The following RP1 variants were observed in gnomAD, a reference collection of about 807,000 sequenced individuals.
RP1 encodes RP1 axonemal microtubule associated, also known as oxygen-regulated protein 1.
RP1 carries 16 observed loss-of-function variants against 14.8 expected under a neutral mutation model. The observed-to-expected ratio is 1.08, with a 90% CI of 0.73 to 1.65. RP1 has a LOEUF of 1.65. Ranked by LOEUF, RP1 falls within the 40% of genes most tolerant of loss-of-function variation. The pLI is 0.00. For missense variants in RP1, 2,631 were observed against 2,535.0 expected (o/e 1.04, Z -0.81); for synonymous variants, 876 against 883.6 (o/e 0.99, Z 0.15).
intron 19 of RP1, among the ~76,000 whole-genome samples, chr8:54,744,825 A>G (rs1285975545): frequency 6.6e-6 from 1 of 152,112 alleles, no homozygotes; most frequent in African/African-American, 2.4e-5. Context: ...CTTAATCAGT[A>G]TTTCCCTTTT....
chr8:54,724,350 G>T (rs1031847729), intron 16 of RP1, among the ~76,000 whole-genome samples: 9 of 152,120 alleles, frequency 5.9e-5, no homozygotes, highest in Admixed American at 5.9e-4. Context: ...TAAAACAAAA[G>T]ACTTTTCCTA....
chr8:54,706,456 A>AG lies in RP1; in HGVS notation c.2012_2013insG (p.Asn671LysfsTer20). ...GTTGCTCTGAAGGGGGTGTTCCTCAACAGTGCTGTGGTTCTGCTTGCTACA... is the reference window on the plus strand; with the variant it reads ...GTTGCTCTGAAGGGGGTGTTCCTCAAGCAGTGCTGTGGTTCTGCTTGCTACA... On this transcript the variant is annotated frameshift_variant, in exon 15 of 23. Coordinates refer to the RP1 transcript ENST00000636932. LOFTEE classifies it high-confidence loss of function. The AG allele has an allele frequency of 6.5e-7, 1 of 1,535,802 alleles. No homozygotes were observed. The highest frequency in any genetic ancestry group is 1.2e-5 in the South Asian group (1 of 84,040).
chr8:54,781,755 CA>C (rs1563374797), intron 23 of RP1, among the ~76,000 whole-genome samples: 1 of 151,448 alleles, frequency 6.6e-6, no homozygotes, highest in African/African-American at 2.4e-5. Flanking sequence ...TTTCCAGTTG[CA>C]AAAAAGAAAA....
chr8:54,694,716 T>C (rs199905347), intron 12 of RP1, among the ~76,000 whole-genome samples: 1 of 151,064 alleles, frequency 6.6e-6, no homozygotes, highest in East Asian at 1.9e-4. Flanking sequence ...GTCTTTTCTT[T>C]TTTATTAGTC....
intron 12 of RP1, among the ~76,000 whole-genome samples, chr8:54,691,507 A>G (rs992246135): frequency 1.3e-5 from 2 of 152,098 alleles, no homozygotes; most frequent in Non-Finnish European, 2.9e-5. Flanking sequence ...CCAGTTGTTT[A>G]CATGCAAAAG....
chr8:54,624,966 G>A lies in RP1; in HGVS notation c.1084G>A (p.Asp362Asn), dbSNP rs751050043. The change falls in exon 4 of 4, where the codon GAT (aspartate) becomes AAT (asparagine). Residue 362 changes from aspartate (D) to asparagine (N), a missense_variant. By Grantham distance (23) the Asp-to-Asn change is conservative. Transcript: ENST00000220676. Reference protein sequence around the residue: ...TVSKTGPSNNDEKSEMSFPGR... With the variant: ...TVSKTGPSNNNEKSEMSFPGR... The stretch of plus-strand genomic sequence containing the variant: ...CAGTAAAACTGGTCCTTCTAATAAT[G>A]ATGAAAAGAGTGAGATGAGTTTTCC... 1 of 1,614,012 alleles carries A rather than the reference G, an allele frequency of 6.2e-7. No individual in the cohort carries two copies. The highest frequency in any genetic ancestry group is 1.3e-5 in the African/African-American group (1 of 74,928).
At chr8:54,775,856 CA>C (rs759242327) in intron 23 of RP1, among the ~76,000 whole-genome samples, 26 of 152,194 alleles carry the variant, frequency 1.7e-4, no homozygotes, top group Admixed American at 3.3e-4. Flanking sequence ...TCCTAATGAC[CA>C]GCACACAGTA....
intron 23 of RP1, among the ~76,000 whole-genome samples, chr8:54,777,895 C>T (rs1810081199): frequency 2.6e-5 from 4 of 152,106 alleles, no homozygotes; most frequent in Admixed American, 2.6e-4. Flanking sequence ...ATAACAATAT[C>T]CTTGTCCTTT....
chr8:54,653,385 AAC>A (rs1806694481), intron 5 of RP1, among the ~76,000 whole-genome samples: 1 of 152,188 alleles, frequency 6.6e-6, no homozygotes, highest in African/African-American at 2.4e-5. Context: ...GCAGACCTCC[AAC>A]ACTGGAAATC....
At chr8:54,602,072 A>T (rs6473948) in intron 1 of RP1, among the ~76,000 whole-genome samples, 2 of 151,938 alleles carry the variant, frequency 1.3e-5, no homozygotes, top group African/African-American at 4.8e-5. Context: ...TTTTAGGGTA[A>T]ATGTGCACAA....
At chr8:54,796,208 A>G (rs1810573222) in intron 24 of RP1, among the ~76,000 whole-genome samples, 1 of 152,178 alleles carries the variant, frequency 6.6e-6, no homozygotes, top group African/African-American at 2.4e-5. Flanking sequence ...TCCTCTGTAA[A>G]ATTATTAAAA....
chr8:54,582,183 G>A (rs1804808352), intron 1 of RP1, among the ~76,000 whole-genome samples: 1 of 152,012 alleles, frequency 6.6e-6, no homozygotes, highest in African/African-American at 2.4e-5. Flanking sequence ...TTTTGTATAA[G>A]GTGTAAGGAA....
intron 24 of RP1, among the ~76,000 whole-genome samples, chr8:54,824,127 T>G (rs61003151): frequency 7.4e-6 from 1 of 134,826 alleles, no homozygotes; most frequent in African/African-American, 2.7e-5. Flanking sequence ...ATTGGATTGT[T>G]TGTGTGTTTT....
At chr8:54,634,378 A>G (rs1806308132), downstream of RP1, among the ~76,000 whole-genome samples, 1 of 152,262 alleles carries the variant, frequency 6.6e-6, no homozygotes, top group Non-Finnish European at 1.5e-5. Flanking sequence ...GACAAAAATT[A>G]CATTCCCTGG....
At position 54,627,833 on chromosome 8, in the gene RP1, A is replaced by G. The variant is rs1380828230; in HGVS notation, c.3951A>G (p.Gln1317=). 1.9e-6 allele frequency: 3 copies of G among 1,614,040 alleles called. No individual in the cohort carries two copies. The African/African-American group carries it at 4.0e-5, about 22-fold the overall frequency. The part of the protein sequence containing the change: ...DTVFSDKACA[Q]KENHTYEGAC... ...TGTTTTCTGATAAGGCTTGTGCTCA[A>G]AAGGAGAACCATACCTATGAGGGAG... Residue 1317 remains glutamine (Q), a synonymous_variant, in exon 4 of 4, where the codon CAA becomes CAG. Transcript: ENST00000220676.
At chr8:54,777,427 C>T (rs1193470059) in intron 23 of RP1, among the ~76,000 whole-genome samples, 1 of 152,106 alleles carries the variant, frequency 6.6e-6, no homozygotes, top group Non-Finnish European at 1.5e-5. Flanking sequence ...AGATTCATTT[C>T]TGATAATGTT....
Position 54,629,310 on chromosome 8 carries a change from C to A in RP1, c.5428C>A (p.Gln1810Lys). 1.2e-6 allele frequency: 2 copies of A among 1,613,746 alleles called. No individual in the cohort carries two copies. Among genetic ancestry groups the A allele is most frequent in the Admixed American group, 1.7e-5 (1 of 59,982 alleles). Residue 1810 changes from glutamine to lysine, a missense_variant, in exon 4 of 4, where the codon CAA becomes AAA. Coordinates refer to ENST00000220676, the MANE Select transcript of RP1 (RefSeq NM_006269.2). ...LSSSELEELT[Q>K]PLELKCNYFN... ...CTCTTCAGAACTCGAGGAACTGACTCAACCCCTTGAACTAAAATGCAATTA... is the reference window on the plus strand; with the variant it reads ...CTCTTCAGAACTCGAGGAACTGACTAAACCCCTTGAACTAAAATGCAATTA...
intron 5 of RP1, among the ~76,000 whole-genome samples, chr8:54,653,632 AGTT>A (rs1393407394): frequency 6.6e-6 from 1 of 152,206 alleles, no homozygotes; most frequent in African/African-American, 2.4e-5. Flanking sequence ...AGAAATATAT[AGTT>A]GTTAATACCA....
At chr8:54,568,969 T>A (rs1804465755) in intron 1 of RP1, among the ~76,000 whole-genome samples, 1 of 152,244 alleles carries the variant, frequency 6.6e-6, no homozygotes, top group Non-Finnish European at 1.5e-5. Context: ...TAAAAATCCC[T>A]ATGTTCTGGG....
Sources: allele counts gnomAD v4.1 joint callset (sites outside exome capture counted in the v4.1 genomes callset), GRCh38; gene constraint gnomAD v4.1.1; transcripts MANE v1.5; gene names NCBI Gene and HGNC (gene_info 2026-07-23, HGNC 2026-07-21).